The following UBIAD1 variants were observed in gnomAD, a reference collection of about 807,000 sequenced individuals.
UBIAD1 encodes the protein ubiA prenyltransferase domain-containing protein 1.
A neutral mutation model predicts 20.1 loss-of-function variants in UBIAD1; 12 were observed. That is an observed-to-expected ratio of 0.60 (90% CI 0.38 to 0.97). UBIAD1 has a LOEUF of 0.97. Ranked by LOEUF, UBIAD1 falls within the 50% of genes least tolerant of loss-of-function variation. UBIAD1 has a pLI of 0.00. For missense variants in UBIAD1, 333 were observed against 419.5 expected, an observed-to-expected ratio of 0.79 and a Z score of 1.80; for synonymous variants, 207 against 189.2, an observed-to-expected ratio of 1.09 and a Z score of -0.77.
chr1:11,276,305 G>A (rs1014018111), intron 1 of UBIAD1, among the ~76,000 whole-genome samples: 6 of 151,962 alleles, frequency 3.9e-5, no homozygotes, highest in Admixed American at 3.9e-4. Flanking sequence ...AGAAACAGAG[G>A]AATTAAGCAT....
At chr1:11,291,991 T>C (rs1016297659), downstream of UBIAD1, 2 of 152,052 alleles carry the variant, frequency 1.3e-5, no homozygotes, top group Non-Finnish European at 1.5e-5. Flanking sequence ...GGAAGGTTTC[T>C]TTCATTCTTT....
intron 1 of UBIAD1, chr1:11,278,654 A>G (rs1180117846): frequency 2.0e-6 from 3 of 1,487,776 alleles, no homozygotes; most frequent in Non-Finnish European, 1.8e-6. Context: ...TGGAAGCTTC[A>G]TATTTTCTTT....
At position 11,285,929 on chromosome 1, in the gene UBIAD1, T is replaced by C. The variant is rs773591959; in HGVS notation, c.815T>C (p.Phe272Ser). ...NTLLFLPYLVFSILATHCTIS... is the reference protein window; with the variant it reads ...NTLLFLPYLVSSILATHCTIS... Reference sequence around the variant, plus strand: ...CTGCTCTTCCTGCCCTACCTGGTCTTCAGCATCCTGGCCACACACTGCACC... The same window carrying C: ...CTGCTCTTCCTGCCCTACCTGGTCTCCAGCATCCTGGCCACACACTGCACC... The change falls in exon 2 of 2, where the codon TTC becomes TCC. Residue 272 changes from phenylalanine to serine, a missense_variant. Coordinates refer to ENST00000376810, the MANE Select transcript of UBIAD1 (RefSeq NM_013319.3). The surrounding 1 kb of genome is among the most constrained non-coding windows in gnomAD (Gnocchi z 4.4). The C allele has an allele frequency of 6.2e-7, 1 of 1,614,202 alleles. No individual in the cohort carries two copies. Among genetic ancestry groups the C allele is most frequent in the African/African-American group, 1.3e-5 (1 of 75,056 alleles).
downstream of UBIAD1, among the ~76,000 whole-genome samples, chr1:11,292,763 C>G (rs1194305482): frequency 6.6e-6 from 1 of 151,720 alleles, no homozygotes; most frequent in Non-Finnish European, 1.5e-5. Flanking sequence ...GGGATGACAG[C>G]TCCTCTCTGA....
rs1221956171 is a variant in UBIAD1, at chr1:11,273,556, G to T, written c.25G>T (p.Glu9Ter). The T allele has an allele frequency of 1.2e-6, 2 of 1,612,974 alleles. No individual in the cohort carries two copies. Among genetic ancestry groups the T allele is most frequent in the Non-Finnish European group, 1.7e-6 (2 of 1,180,040 alleles). MAASQVLGEKINILSGETV... is the reference protein window; with the variant it reads MAASQVLG ...CATGGCGGCCTCTCAGGTCCTGGGGGAGAAGATTAACATCCTGTCGGGAGA... is the reference window on the plus strand; with the variant it reads ...CATGGCGGCCTCTCAGGTCCTGGGGTAGAAGATTAACATCCTGTCGGGAGA... The change falls in exon 1 of 2, where the codon GAG becomes TAG. Residue 9 changes from glutamate (E) to a stop codon, truncating the protein, a stop_gained. Transcript: ENST00000376810. LOFTEE classifies it high-confidence loss of function. This position sits in a 1 kb window ranked among gnomAD's most constrained non-coding sequence, Gnocchi z 4.9.
chr1:11,289,003 C>T (rs189430605), downstream of UBIAD1, among the ~76,000 whole-genome samples: 191 of 152,228 alleles, frequency 1.3e-3, no homozygotes, highest in Non-Finnish European at 2.3e-3. Flanking sequence ...AGATTAACCT[C>T]GTTTCATTTT....
At chr1:11,284,776 A>G (rs907065492) in intron 1 of UBIAD1, among the ~76,000 whole-genome samples, 3 of 151,976 alleles carry the variant, frequency 2.0e-5, no homozygotes, top group Non-Finnish European at 4.4e-5. Context: ...CCAGATTCCT[A>G]TTTTTAAAGG....
Position 11,273,861 on chromosome 1 carries a change from C to T in UBIAD1, c.330C>T (p.Gly110=). 1 of 1,614,190 alleles carries T rather than the reference C, an allele frequency of 6.2e-7. No individual in the cohort carries two copies. Among genetic ancestry groups the T allele is most frequent in the African/African-American group, 1.3e-5 (1 of 75,056 alleles). ...LVNTYYDFSK[G]IDHKKSDDRT... ...ACACTTACTATGACTTTTCCAAGGGCATTGACCACAAAAAGAGTGATGACA... is the reference window on the plus strand; with the variant it reads ...ACACTTACTATGACTTTTCCAAGGGTATTGACCACAAAAAGAGTGATGACA... The change falls in exon 1 of 2, where the codon GGC becomes GGT. Residue 110 remains glycine, a synonymous_variant. Coordinates refer to ENST00000376810, the MANE Select transcript of UBIAD1 (RefSeq NM_013319.3). This position sits in a 1 kb window ranked among gnomAD's most constrained non-coding sequence, Gnocchi z 4.9.
At chr1:11,293,542 C>T (rs1418913306) in intron 1 of UBIAD1, 1 of 152,260 alleles carries the variant, frequency 6.6e-6, no homozygotes, top group East Asian at 1.9e-4. Flanking sequence ...GACTGAGTTA[C>T]ATGGGAAGGG....
intron 1 of UBIAD1, among the ~76,000 whole-genome samples, chr1:11,282,986 G>A (rs1196552785): frequency 2.0e-5 from 3 of 151,218 alleles, no homozygotes; most frequent in East Asian, 3.9e-4. Context: ...TCAGCCTCCC[G>A]AGTAGCTGGG....
chr1:11,295,231 C>G (rs1489247284), downstream of UBIAD1: 2 of 348,306 alleles, frequency 5.7e-6, no homozygotes, highest in African/African-American at 4.1e-5. Flanking sequence ...GAGCGGCGAT[C>G]AAGGTTTCTA....
Position 11,273,662 on chromosome 1 carries a change from A to T in UBIAD1, c.131A>T (p.Gln44Leu). ...QDRLPQRSWRQKCASYVLALR... is the reference protein window; with the variant it reads ...QDRLPQRSWRLKCASYVLALR... ...AGGCTCCCCCAGCGCTCCTGGAGGC[A>T]GAAGTGTGCCTCCTACGTGTTGGCC... The change falls in exon 1 of 2, where the codon CAG (glutamine) becomes CTG (leucine). Residue 44 changes from glutamine (Q) to leucine (L), a missense_variant. Around this residue, in one of 3 missense-constraint regions of UBIAD1, gnomAD observed 57 missense variants for 54.7 expected, o/e 1.04. Coordinates refer to ENST00000376810, the MANE Select transcript of UBIAD1 (RefSeq NM_013319.3). This position sits in a 1 kb window ranked among gnomAD's most constrained non-coding sequence, Gnocchi z 4.9. 1.2e-6 allele frequency: 2 copies of T among 1,614,166 alleles called. No individual in the cohort carries two copies. Among genetic ancestry groups the T allele is most frequent in the Non-Finnish European group, 1.7e-6 (2 of 1,180,032 alleles).
rs763677025 is a variant in UBIAD1 at position 11,294,857 on chromosome 1, G to A, written c.530-16G>A. 21 of 717,426 alleles carry A rather than the reference G, an allele frequency of 2.9e-5. No homozygotes were observed. The Middle Eastern group carries it at 9.1e-4, about 31-fold the overall frequency. The allele number at this position is 717,426 out of a possible 1,614,324, so 44.4% of individuals were successfully genotyped here. A position where few individuals can be genotyped will look rare whatever the true frequency, so the allele number is the denominator to read the frequency against. On this transcript the variant is annotated splice_polypyrimidine_tract_variant and intron_variant, in intron 1 of 1. Transcript: ENST00000376804. The stretch of plus-strand genomic sequence containing the variant: ...TCCCCTCATCTGTCTGTCCTCATTC[G>A]TCTCGTCTCTTCCAGTCCTCATCTA...
At position 11,285,982 on chromosome 1, in the gene UBIAD1, A is replaced by G; in HGVS notation, c.868A>G (p.Ile290Val). 5.0e-6 allele frequency: 8 copies of G among 1,614,128 alleles called. No homozygotes were observed. Among genetic ancestry groups the G allele is most frequent in the South Asian group, 1.1e-5 (1 of 91,078 alleles). Residue 290 changes from isoleucine (I) to valine (V), a missense_variant, in exon 2 of 2, where the codon ATT becomes GTT. Physicochemically the swap from Ile to Val is conservative, Grantham distance 29. Transcript: ENST00000376810. The surrounding 1 kb of genome is among the most constrained non-coding windows in gnomAD (Gnocchi z 4.4). Reference protein sequence around the residue: ...TISLALPLLTIPMAFSLERQF... With the variant: ...TISLALPLLTVPMAFSLERQF... ...CAGCCTGGCACTCCCCCTGCTTACC[A>G]TTCCCATGGCCTTCTCCCTTGAGAG...
At chr1:11,276,130 A>C (rs1445282957) in intron 1 of UBIAD1, among the ~76,000 whole-genome samples, 1 of 152,104 alleles carries the variant, frequency 6.6e-6, no homozygotes, top group East Asian at 1.9e-4. Flanking sequence ...GGAGTGGGGC[A>C]AGGGTAGAGG....
intron 1 of UBIAD1, among the ~76,000 whole-genome samples, chr1:11,293,917 C>T (rs1310482481): frequency 6.6e-6 from 1 of 152,196 alleles, no homozygotes; most frequent in Non-Finnish European, 1.5e-5. Flanking sequence ...AGGTGATCCA[C>T]CTGCCTCAGC....
intron 1 of UBIAD1, among the ~76,000 whole-genome samples, chr1:11,278,030 T>C (rs548352084): frequency 1.3e-4 from 20 of 152,326 alleles, no homozygotes; most frequent in African/African-American, 4.3e-4. Context: ...CGATCTCAGC[T>C]CACTGCAACT....
chr1:11,294,581 T>G (rs1420085974), intron 1 of UBIAD1, among the ~76,000 whole-genome samples: 2 of 152,186 alleles, frequency 1.3e-5, no homozygotes, highest in African/African-American at 4.8e-5. Context: ...AGGTGGCCCA[T>G]GTGCCAGTGC....
downstream of UBIAD1, among the ~76,000 whole-genome samples, chr1:11,289,297 C>T (rs373471899): frequency 3.7e-4 from 56 of 152,222 alleles, no homozygotes; most frequent in South Asian, 0.011. Flanking sequence ...TTATTAATGA[C>T]GCGGATGAGG....
Sources: gnomAD v4.1 joint callset for allele counts (sites outside exome capture counted in the v4.1 genomes callset) on GRCh38, gnomAD v4.1.1 for gene constraint, gnomAD v4.1.1 regional missense constraint, Gnocchi (gnomAD v3.1) non-coding constraint, MANE v1.5 for transcripts, NCBI Gene and HGNC (gene_info 2026-07-23, HGNC 2026-07-21) for gene names.